Variants in ARHGAP32 observed in about 807,000 individuals in gnomAD.
ARHGAP32 encodes the protein rho GTPase-activating protein 32.
Under a neutral mutation model 186.5 loss-of-function variants are expected in ARHGAP32, and 51 were observed. That is an observed-to-expected ratio of 0.27 (90% CI 0.22 to 0.35). The LOEUF is 0.35. ARHGAP32 is among the 10% of genes least tolerant of loss of function. The pLI, the probability that ARHGAP32 is intolerant of heterozygous loss-of-function variation, is 1.00. For missense variants in ARHGAP32, 2,186 were observed against 2,623.5 expected (o/e 0.83, Z 3.64); for synonymous variants, 950 against 964.3 (o/e 0.99, Z 0.27).
intron 8 of ARHGAP32, 40 bp from the exon 9 acceptor site, chr11:129,064,064 A>G: frequency 6.5e-7 from 1 of 1,542,718 alleles, no homozygotes; most frequent in East Asian, 2.3e-5. Flanking sequence ...AAGACACTGG[A>G]CTTGCAAATG....
intron 19 of ARHGAP32, among the ~76,000 whole-genome samples, chr11:128,977,027 A>C (rs749821693): frequency 2.0e-5 from 3 of 152,176 alleles, no homozygotes; most frequent in Non-Finnish European, 4.4e-5. Flanking sequence ...AAACACAGAG[A>C]TGGCCATGTG....
intron 1 of ARHGAP32, among the ~76,000 whole-genome samples, chr11:129,171,493 T>C (rs1369250483): frequency 6.6e-6 from 1 of 152,184 alleles, no homozygotes. Flanking sequence ...ATGTGTGGTG[T>C]TATTTCCGAG....
intron 10 of ARHGAP32, among the ~76,000 whole-genome samples, chr11:129,056,519 T>C (rs942389950): frequency 1.3e-5 from 2 of 152,076 alleles, no homozygotes; most frequent in African/African-American, 4.8e-5. Context: ...AGTGCTAGGA[T>C]TACAGGTATG....
chr11:129,207,747 C>G (rs1257670436), intron 1 of ARHGAP32, among the ~76,000 whole-genome samples: 1 of 151,736 alleles, frequency 6.6e-6, no homozygotes, highest in East Asian at 1.9e-4. Context: ...TTTCTACAAG[C>G]CTTCTAAAAT....
intron 5 of ARHGAP32, among the ~76,000 whole-genome samples, chr11:129,096,696 C>A (rs1035197971): frequency 4.6e-5 from 7 of 152,194 alleles, no homozygotes; most frequent in African/African-American, 1.7e-4. Context: ...GAGGTGCAGA[C>A]AAATAGCTAT....
chr11:129,115,090 T>C (rs188149322), intron 5 of ARHGAP32, among the ~76,000 whole-genome samples: 2 of 152,252 alleles, frequency 1.3e-5, no homozygotes, highest in East Asian at 3.9e-4. Flanking sequence ...GTCATACCTA[T>C]GGGGTTTGTA....
chr11:129,240,755 T>A (rs11221616), intron 1 of ARHGAP32, among the ~76,000 whole-genome samples: 341 of 152,278 alleles, frequency 2.2e-3, no homozygotes, highest in Non-Finnish European at 4.3e-3. Context: ...TTTTCTTTTA[T>A]ATTTTTTGTC....
chr11:129,117,114 AT>A (rs1274229502), intron 5 of ARHGAP32, among the ~76,000 whole-genome samples: 4 of 152,026 alleles, frequency 2.6e-5, no homozygotes, highest in Non-Finnish European at 4.4e-5. Flanking sequence ...TAGAACCATC[AT>A]TTACTCCTTT....
intron 11 of ARHGAP32, among the ~76,000 whole-genome samples, chr11:129,026,621 C>A (rs1252302180): frequency 6.6e-6 from 1 of 151,906 alleles, no homozygotes; most frequent in East Asian, 1.9e-4. Context: ...TGGTGAAACC[C>A]TGTCTCTACT....
At chr11:129,233,702 T>G (rs1018225651) in intron 1 of ARHGAP32, among the ~76,000 whole-genome samples, 3 of 151,200 alleles carry the variant, frequency 2.0e-5, no homozygotes, top group Non-Finnish European at 4.4e-5. Context: ...ACAATGAAAA[T>G]ATATGTAATA....
chr11:129,129,309 G>A (rs547214695), intron 2 of ARHGAP32, among the ~76,000 whole-genome samples: 12 of 147,632 alleles, frequency 8.1e-5, no homozygotes, highest in African/African-American at 2.5e-4. Flanking sequence ...CCCTCCGCCC[G>A]GCAGCTGCCC....
intron 1 of ARHGAP32, among the ~76,000 whole-genome samples, chr11:129,199,522 C>G (rs1469714728): frequency 6.6e-6 from 1 of 152,264 alleles, no homozygotes; most frequent in East Asian, 1.9e-4. Context: ...AGGGTGCAAG[C>G]CCCAATCCTT....
intron 1 of ARHGAP32, among the ~76,000 whole-genome samples, chr11:129,235,078 T>C (rs983698173): frequency 3.3e-5 from 5 of 152,144 alleles, no homozygotes; most frequent in African/African-American, 1.2e-4. Context: ...CCAACAATAA[T>C]TATCCTTATA....
chr11:129,171,268 T>C (rs1257517722), intron 1 of ARHGAP32, among the ~76,000 whole-genome samples: 1 of 152,258 alleles, frequency 6.6e-6, no homozygotes, highest in Non-Finnish European at 1.5e-5. Context: ...TGAATGGTAA[T>C]GCCTAGGTTT....
At position 128,972,679 on chromosome 11, in the gene ARHGAP32, GT is replaced by G. The variant is rs771744042; in HGVS notation, c.3826del (p.Thr1276LeufsTer3). ...TGTTGCTGGAGTAGTTGTCATGTAAGTCATGGTGGCTGTGCTGGTATTCTCT... is the reference window on the plus strand; with the variant it reads ...TGTTGCTGGAGTAGTTGTCATGTAAGCATGGTGGCTGTGCTGGTATTCTCT... ...PEENTSTATMTYMTTTPATAQ... is the reference protein window; with the variant it reads ...PEENTSTATMXYMTTTPATAQ... On this transcript the variant is annotated frameshift_variant, in exon 22 of 23. Coordinates refer to ENST00000682385, the MANE Select transcript of ARHGAP32 (RefSeq NM_001378024.1). LOFTEE classifies it high-confidence loss of function. 6.2e-7 allele frequency: 1 copy of G among 1,614,114 alleles called. No homozygotes were observed. The highest frequency in any genetic ancestry group is 8.5e-7 in the Non-Finnish European group (1 of 1,180,016).
chr11:129,188,602 CCT>C (rs1310547299), intron 1 of ARHGAP32, among the ~76,000 whole-genome samples: 3 of 152,072 alleles, frequency 2.0e-5, no homozygotes, highest in African/African-American at 7.2e-5. Flanking sequence ...GTTGGGAACC[CCT>C]GAGGTAGAGG....
intron 5 of ARHGAP32, among the ~76,000 whole-genome samples, chr11:129,120,526 T>C (rs1942499396): frequency 6.6e-6 from 1 of 152,120 alleles, no homozygotes; most frequent in Admixed American, 6.6e-5. Flanking sequence ...AATTGTTTTT[T>C]AAGCAACTGT....
chr11:129,211,016 G>A (rs1370746065), intron 1 of ARHGAP32, among the ~76,000 whole-genome samples: 1 of 151,990 alleles, frequency 6.6e-6, no homozygotes, highest in African/African-American at 2.4e-5. Flanking sequence ...AGGGCTTTTT[G>A]CATAGCACTT....
At chr11:129,126,646 G>T (rs1047488817) in intron 2 of ARHGAP32, among the ~76,000 whole-genome samples, 2 of 151,786 alleles carry the variant, frequency 1.3e-5, no homozygotes, top group African/African-American at 4.8e-5. Context: ...TAATAAAGAC[G>T]GCAAAACAAC....
Sources: allele counts gnomAD v4.1 joint callset (sites outside exome capture counted in the v4.1 genomes callset), GRCh38; gene constraint gnomAD v4.1.1; transcripts MANE v1.5; gene names NCBI Gene and HGNC (gene_info 2026-07-23, HGNC 2026-07-21).